OC90: variants seen among roughly 807,000 people sequenced by gnomAD.
The protein encoded by OC90 is otoconin 90, also known as otoconin-90.
A neutral mutation model predicts 47.3 loss-of-function variants in OC90; 46 were observed. The ratio of observed to expected loss-of-function variants is 0.97; its 90% CI spans 0.77 to 1.24. The LOEUF is 1.24. OC90 is among the 50% of genes most tolerant of loss of function. OC90 has a pLI of 0.00. For missense variants in OC90, 688 were observed against 583.9 expected (o/e 1.18, Z -1.84); for synonymous variants, 271 against 219.5 (o/e 1.23, Z -2.07).
At chr8:132,040,929 T>C in intron 6 of OC90, 115 bp downstream of exon 6, 3 of 707,342 alleles carry the variant, frequency 4.2e-6, no homozygotes, top group East Asian at 2.5e-5. Context: ...CCAACGATGC[T>C]GCCAGTGGTG....
intron 1 of OC90, among the ~76,000 whole-genome samples, chr8:132,056,573 C>T (rs914454142): frequency 6.6e-6 from 1 of 152,096 alleles, no homozygotes; most frequent in Non-Finnish European, 1.5e-5. Flanking sequence ...CTTTTTTAGC[C>T]ACACAAATTC....
chr8:132,055,225 TGACA>T (rs1823266075), intron 1 of OC90, among the ~76,000 whole-genome samples, 152 bp from the exon 2 acceptor site: 1 of 151,734 alleles, frequency 6.6e-6, no homozygotes, highest in African/African-American at 2.4e-5. Flanking sequence ...TGCCACTAAC[TGACA>T]ATGTGCCTCT....
At chr8:132,035,694 T>C (rs2130855041) in intron 9 of OC90, among the ~76,000 whole-genome samples, 1 of 152,336 alleles carries the variant, frequency 6.6e-6, no homozygotes, top group South Asian at 2.1e-4. Flanking sequence ...TTCTGGACCA[T>C]TCTAAACTGG....
intron 11 of OC90, 73 bp downstream of exon 11, chr8:132,032,966 G>A (rs774195887): frequency 1.3e-6 from 2 of 1,515,348 alleles, no homozygotes; most frequent in Non-Finnish European, 1.8e-6. Flanking sequence ...GTGAAAAGGT[G>A]GCCTACGGTG....
Position 132,033,055 on chromosome 8 carries a change from C to T in OC90, c.843G>A (p.Glu281=), listed in dbSNP as rs1179688459. The T allele has an allele frequency of 1.9e-6, 3 of 1,609,938 alleles. No homozygotes were observed. Among genetic ancestry groups the T allele is most frequent in the South Asian group, 2.2e-5 (2 of 89,744 alleles). ...LAVSSVENDP[E]ETTEKACDRF... ...TCTGCTCACCTTTTTCAGTGGTCTCCTCAGGATCATTTTCAACAGATGACA... is the reference window on the plus strand; with the variant it reads ...TCTGCTCACCTTTTTCAGTGGTCTCTTCAGGATCATTTTCAACAGATGACA... Residue 281 remains glutamate, a synonymous_variant, in exon 11 of 14, where the codon GAG becomes GAA. Coordinates refer to ENST00000254627, the MANE Select transcript of OC90 (RefSeq NM_001080399.3).
intron 2 of OC90, among the ~76,000 whole-genome samples, chr8:132,049,255 T>C (rs1453436805): frequency 6.6e-6 from 1 of 151,928 alleles, no homozygotes; most frequent in Non-Finnish European, 1.5e-5. Flanking sequence ...GACCTATGTT[T>C]GTCTCCTACC....
At chr8:132,031,323 GT>G (rs1460402059) in intron 12 of OC90, among the ~76,000 whole-genome samples, 100 of 152,300 alleles carry the variant, frequency 6.6e-4, no homozygotes, top group Non-Finnish European at 1.5e-4. Flanking sequence ...AGCGGTATGG[GT>G]TTGATGCATA....
chr8:132,033,064 A>T lies in OC90; in HGVS notation c.834T>A (p.Asn278Lys), dbSNP rs773989883. The T allele has an allele frequency of 1.2e-5, 20 of 1,610,350 alleles. No individual in the cohort carries two copies. The highest frequency in any genetic ancestry group is 1.7e-5 in the Non-Finnish European group (20 of 1,178,512). Residue 278 changes from asparagine to lysine, a missense_variant, in exon 11 of 14, where the codon AAT becomes AAA. By Grantham distance (94) the Asn-to-Lys change is moderately conservative. Coordinates refer to ENST00000254627, the MANE Select transcript of OC90 (RefSeq NM_001080399.3). ...SLGLAVSSVENDPEETTEKAC... is the reference protein window; with the variant it reads ...SLGLAVSSVEKDPEETTEKAC... The stretch of plus-strand genomic sequence containing the variant: ...CTTTTTCAGTGGTCTCCTCAGGATC[A>T]TTTTCAACAGATGACACTGCCAGCC...
At position 132,024,704 on chromosome 8, in the gene OC90, G is replaced by T. The variant is rs779458494; in HGVS notation, c.1211C>A (p.Ala404Asp). 1 of 1,613,800 alleles carries T rather than the reference G, an allele frequency of 6.2e-7. No homozygotes were observed. Among genetic ancestry groups the T allele is most frequent in the Admixed American group, 1.7e-5 (1 of 60,010 alleles). The change falls in exon 14 of 14, where the codon GCC (alanine) becomes GAC (aspartate). Residue 404 changes from alanine to aspartate, a missense_variant. Ala to Asp is a moderately radical substitution (Grantham distance 126). Coordinates refer to ENST00000254627, the MANE Select transcript of OC90 (RefSeq NM_001080399.3). ...GGACTTGAGGCTTTGGTTAAAGGAG[G>T]CAGAGGTCATGCACTCAGCTGCCGT... ...DQTAAECMTS[A>D]SFNQSLKSPS... is the part of the protein sequence containing the mutation.
At chr8:132,045,781 C>G (rs1445476221) in intron 3 of OC90, 37 bp downstream of exon 3, 1 of 1,214,794 alleles carries the variant, frequency 8.2e-7, no homozygotes, top group Non-Finnish European at 1.2e-6. Context: ...AGACAACTTT[C>G]TACTCTGCTC....
chr8:132,056,472 T>C (rs955867798), intron 1 of OC90, among the ~76,000 whole-genome samples: 1 of 152,112 alleles, frequency 6.6e-6, no homozygotes, highest in African/African-American at 2.4e-5. Context: ...TTAAAAAGGG[T>C]AGAGTGTGAG....
chr8:132,050,526 G>T lies in OC90; in HGVS notation c.46+4455C>A, dbSNP rs4464949. ...AGGATTCTGAGAGGCTGCAGGGGAT[G>T]GAAATAGACACTGAACATATCAGGA... is the stretch of plus-strand genomic sequence containing the variant. On this transcript the variant is annotated intron_variant, in intron 2 of 13. Coordinates refer to ENST00000254627, the MANE Select transcript of OC90 (RefSeq NM_001080399.3). Among the ~76,000 whole-genome samples the T allele has an allele frequency of 4.6e-3, 697 of 152,290 alleles. 3 individuals are homozygous for T. The highest frequency in any genetic ancestry group is 7.1e-3 in the Non-Finnish European group (481 of 68,020).
intron 10 of OC90, among the ~76,000 whole-genome samples, chr8:132,033,564 GC>G (rs1822908452): frequency 6.6e-6 from 1 of 152,308 alleles, no homozygotes; most frequent in East Asian, 1.9e-4. Flanking sequence ...AGGTAGGCAA[GC>G]AAAACAACTC....
chr8:132,039,014 G>C lies in OC90; in HGVS notation c.567C>G (p.Phe189Leu), dbSNP rs200502750. 2.2e-4 allele frequency: 360 copies of C among 1,613,992 alleles called. No individual in the cohort carries two copies. The African/African-American group carries it at 4.4e-3, about 20-fold the overall frequency. ...TCCTACCTGGAGTCTGAGCCAGGCA[G>C]AAGGAGGTGTCCAGAAGGTTCAGGG... ...NSSLNLLDTS[F>L]CLAQTPETTI... The change falls in exon 7 of 14, where the codon TTC (phenylalanine) becomes TTG (leucine). Residue 189 changes from phenylalanine (F) to leucine (L), a missense_variant. Coordinates refer to ENST00000254627, the MANE Select transcript of OC90 (RefSeq NM_001080399.3).
chr8:132,046,108 C>G (rs1823130124), intron 2 of OC90, among the ~76,000 whole-genome samples: 1 of 152,030 alleles, frequency 6.6e-6, no homozygotes, highest in Non-Finnish European at 1.5e-5. Context: ...TAAGCCTTAA[C>G]AGTGGCATTC....
chr8:132,049,137 T>C (rs1435204923), intron 2 of OC90, among the ~76,000 whole-genome samples: 1 of 151,720 alleles, frequency 6.6e-6, no homozygotes, highest in African/African-American at 2.4e-5. Flanking sequence ...TTAATGATAA[T>C]AGTAACAAAT....
intron 10 of OC90, 102 bp downstream of exon 10, chr8:132,034,679 A>G: frequency 1.3e-6 from 1 of 787,484 alleles, no homozygotes; most frequent in Non-Finnish European, 2.1e-6. Context: ...TGACAAGGTC[A>G]TGGTGCATTT....
rs959661919 is a variant in OC90, at chr8:132,031,888, G to A, written c.1024C>T (p.Leu342=). 1 of 1,613,750 alleles carries A rather than the reference G, an allele frequency of 6.2e-7. No individual in the cohort carries two copies. The highest frequency in any genetic ancestry group is 8.5e-7 in the Non-Finnish European group (1 of 1,179,774). Residue 342 remains leucine, a synonymous_variant, in exon 12 of 14, where the codon CTA becomes TTA. Coordinates refer to ENST00000254627, the MANE Select transcript of OC90 (RefSeq NM_001080399.3). Reference sequence around the variant, plus strand: ...ACCGCTGGCTCTCCATACCTGTCTAGGTCATCCCTTGGCTCGCCTCTTCCT... The same window carrying A: ...ACCGCTGGCTCTCCATACCTGTCTAAGTCATCCCTTGGCTCGCCTCTTCCT... The part of the protein sequence containing the change: ...QEGRGEPRDD[L]DRCCLSHHCC...
At chr8:132,050,604 C>T (rs1459364957) in intron 2 of OC90, among the ~76,000 whole-genome samples, 4 of 152,156 alleles carry the variant, frequency 2.6e-5, no homozygotes, top group African/African-American at 7.2e-5. Context: ...ACTTCGGGCA[C>T]GTGTTCTTTC....
Sources: allele counts gnomAD v4.1 joint callset (sites outside exome capture counted in the v4.1 genomes callset), GRCh38; gene constraint gnomAD v4.1.1; transcripts MANE v1.5; gene names NCBI Gene and HGNC (gene_info 2026-07-23, HGNC 2026-07-21).